STOX1: variants seen among roughly 807,000 people sequenced by gnomAD.
STOX1 encodes storkhead box 1, also known as storkhead-box protein 1.
Under a neutral mutation model 74.8 loss-of-function variants are expected in STOX1, and 57 were observed. The ratio of observed to expected loss-of-function variants is 0.76; its 90% confidence interval spans 0.62 to 0.95. The LOEUF is 0.95. Among genes scored for constraint, STOX1 ranks in the 40% least tolerant of loss-of-function variants. STOX1 has a pLI of 0.00. For missense variants in STOX1, 1,010 were observed against 1,117.0 expected (o/e 0.90, Z 1.37); for synonymous variants, 375 against 401.3 (o/e 0.93, Z 0.78).
At chr10:68,878,496 G>A (rs1202633615) in intron 1 of STOX1, among the ~76,000 whole-genome samples, 2 of 152,166 alleles carry the variant, frequency 1.3e-5, no homozygotes, top group African/African-American at 4.8e-5. Flanking sequence ...GCTTTTCAGA[G>A]TGGTATAGGC....
chr10:68,880,227 C>T (rs184308146), intron 1 of STOX1, among the ~76,000 whole-genome samples: 18 of 149,024 alleles, frequency 1.2e-4, no homozygotes, highest in Admixed American at 1.0e-3. Flanking sequence ...CCCTCACCTA[C>T]GCAGGAGTGC....
Position 68,892,804 on chromosome 10 carries a change from T to G in STOX1, c.*68T>G. 6.6e-7 allele frequency: 1 copy of G among 1,510,366 alleles called. No individual in the cohort carries two copies. The highest frequency in any genetic ancestry group is 9.1e-7 in the Non-Finnish European group (1 of 1,093,664). The allele number at this position is 1,510,366 out of a possible 1,614,324, so 93.6% of individuals were successfully genotyped here. On this transcript the variant is annotated 3_prime_UTR_variant, in exon 4 of 4. Coordinates refer to ENST00000298596, the MANE Select transcript of STOX1 (RefSeq NM_152709.5). ...GCATTATTACAGAATCTTTCAATCA[T>G]GTAAGAATTGAGTATATAAGAATTG...
intron 3 of STOX1, among the ~76,000 whole-genome samples, chr10:68,890,941 C>T (rs1404269884): frequency 6.6e-6 from 1 of 152,084 alleles, no homozygotes; most frequent in African/African-American, 2.4e-5. Context: ...TGTGAGCCCC[C>T]ATGCCCAGCT....
At chr10:68,870,433 C>A (rs148834524) in intron 1 of STOX1, among the ~76,000 whole-genome samples, 1 of 152,196 alleles carries the variant, frequency 6.6e-6, no homozygotes, top group African/African-American at 2.4e-5. Flanking sequence ...ATAGCTATTC[C>A]TTGCCCCCAA....
chr10:68,866,783 G>A (rs558784391), intron 1 of STOX1, among the ~76,000 whole-genome samples: 1 of 152,304 alleles, frequency 6.6e-6, no homozygotes, highest in South Asian at 2.1e-4. Flanking sequence ...ATTACTGGCT[G>A]TGGCGGGGGA....
At chr10:68,890,541 A>T (rs1348151454) in intron 3 of STOX1, among the ~76,000 whole-genome samples, 1 of 152,144 alleles carries the variant, frequency 6.6e-6, no homozygotes, top group Non-Finnish European at 1.5e-5. Context: ...TTATTTTTAC[A>T]TAAAAATGTT....
chr10:68,828,962 G>A (rs528709978), intron 1 of STOX1: 17 of 985,306 alleles, frequency 1.7e-5, no homozygotes, highest in Non-Finnish European at 1.9e-5. Flanking sequence ...GCACCCGTGA[G>A]TGGTCTCTGA....
At chr10:68,836,311 C>CAGGTTGTTT (rs1839552161) in intron 1 of STOX1, among the ~76,000 whole-genome samples, 1 of 152,174 alleles carries the variant, frequency 6.6e-6, no homozygotes, top group Non-Finnish European at 1.5e-5. Flanking sequence ...GATAAGGTAC[C>CAGGTTGTTT]TGAGAGCCTT....
chr10:68,829,359 T>C (rs550586369), intron 1 of STOX1, among the ~76,000 whole-genome samples: 36 of 151,974 alleles, frequency 2.4e-4, no homozygotes, highest in Non-Finnish European at 4.4e-4. Flanking sequence ...CTACTAAAAA[T>C]ACAAAAATTA....
chr10:68,886,298 C>T lies in STOX1; in HGVS notation c.2502C>T (p.Tyr834=), dbSNP rs73266502. 3,682 of 1,614,098 alleles carry T rather than the reference C, an allele frequency of 2.3e-3. 71 individuals are homozygous for T. In the African/African-American group the frequency reaches 0.041, roughly 18 times the overall value. Residue 834 remains tyrosine, a synonymous_variant, in exon 3 of 4, where the codon TAC becomes TAT. Transcript: ENST00000298596. ...CAGGGGCCCAGTTTGGTTTTAACTA[C>T]GAAGAAGAACCCAGTGTTGCTAAAT... is the stretch of plus-strand genomic sequence containing the variant. ...LNSGAQFGFN[Y]EEEPSVAKCV...
intron 1 of STOX1, among the ~76,000 whole-genome samples, chr10:68,850,877 TG>T (rs1839966252): frequency 6.6e-6 from 1 of 151,198 alleles, no homozygotes; most frequent in Non-Finnish European, 1.5e-5. Context: ...GAGGCTGAGG[TG>T]GGAGGATTGC....
At chr10:68,877,855 C>T (rs1840715861) in intron 1 of STOX1, among the ~76,000 whole-genome samples, 1 of 152,178 alleles carries the variant, frequency 6.6e-6, no homozygotes, top group African/African-American at 2.4e-5. Flanking sequence ...ATATCTAGCC[C>T]TTGTCTTTCA....
Position 68,878,083 on chromosome 10 carries a change from T to A in STOX1, c.311-3875T>A, listed in dbSNP as rs118098298. Among the ~76,000 whole-genome samples the A allele has an allele frequency of 8.9e-3, 1,356 of 152,306 alleles. 18 individuals are homozygous for A. Among genetic ancestry groups the A allele is most frequent in the Non-Finnish European group, 0.012 (825 of 68,020 alleles). On this transcript the variant is annotated intron_variant, in intron 1 of 3. Coordinates refer to ENST00000298596, the MANE Select transcript of STOX1 (RefSeq NM_152709.5). The stretch of plus-strand genomic sequence containing the variant: ...AGGCCTTCATTATGGAGTATTACTT[T>A]CTGAGTTCCAAGTGCAGTGGGGATG...
In STOX1 at chr10:68,873,975, A is replaced by C. The variant is rs374105306; in HGVS notation, c.311-7983A>C. ...TTTTGTTTGTTTTTTGTTTTTTTTA[A>C]TCCTGAGTTTAAGAAAAATTGCAGA... is the stretch of plus-strand genomic sequence containing the variant. On this transcript the variant is annotated intron_variant, in intron 1 of 3. Transcript: ENST00000298596. Among the ~76,000 whole-genome samples, 4 of 103,234 alleles carry C rather than the reference A, an allele frequency of 3.9e-5. No homozygotes were observed. The East Asian group carries it at 1.2e-3, about 30-fold the overall frequency. The allele number at this position is 103,234 out of a possible 152,430, so 67.7% of individuals were successfully genotyped here. A position where few individuals can be genotyped will look rare whatever the true frequency, so the allele number is the denominator to read the frequency against.
chr10:68,864,849 A>C (rs1380821605), intron 1 of STOX1, among the ~76,000 whole-genome samples: 1 of 152,230 alleles, frequency 6.6e-6, no homozygotes, highest in Admixed American at 6.5e-5. Flanking sequence ...CTCATGGCAT[A>C]AGTAGGAATG....
chr10:68,851,011 CA>C (rs965447654), intron 1 of STOX1, among the ~76,000 whole-genome samples: 2 of 151,134 alleles, frequency 1.3e-5, no homozygotes, highest in African/African-American at 4.9e-5. Flanking sequence ...CAAACAAACA[CA>C]AAAAAAGCAA....
chr10:68,886,153 T>C lies in STOX1; in HGVS notation c.2357T>C (p.Met786Thr), dbSNP rs191960520. 26 of 1,614,154 alleles carry C rather than the reference T, an allele frequency of 1.6e-5. No individual in the cohort carries two copies. In the East Asian group the frequency reaches 5.1e-4, roughly 32 times the overall value. Residue 786 changes from methionine (M) to threonine (T), a missense_variant, in exon 3 of 4, where the codon ATG (methionine) becomes ACG (threonine). Transcript: ENST00000298596. Reference sequence around the variant, plus strand: ...TCTCTGACCGAGTACAACAGCACAATGGAGAGGGTTGAGTCTCAGGTGCTT... The same window carrying C: ...TCTCTGACCGAGTACAACAGCACAACGGAGAGGGTTGAGTCTCAGGTGCTT... ...ERSLTEYNST[M>T]ERVESQVLKR...
intron 1 of STOX1, among the ~76,000 whole-genome samples, chr10:68,876,520 A>G (rs1288403363): frequency 1.3e-5 from 2 of 151,230 alleles, no homozygotes; most frequent in Non-Finnish European, 2.9e-5. Flanking sequence ...GTAAATTAAC[A>G]ACAACAAACC....
intron 1 of STOX1, among the ~76,000 whole-genome samples, chr10:68,872,342 C>CTTTTTTTTTTTTTTT (rs72451894): frequency 1.1e-5 from 1 of 89,324 alleles, no homozygotes; most frequent in African/African-American, 4.1e-5. Flanking sequence ...TTTTTCTTTT[C>CTTTTTTTTTTTTTTT]TTTTTTTTTT....
Sources: gnomAD v4.1 joint callset for allele counts (sites outside exome capture counted in the v4.1 genomes callset) on GRCh38, gnomAD v4.1.1 for gene constraint, MANE v1.5 for transcripts, NCBI Gene and HGNC (gene_info 2026-07-23, HGNC 2026-07-21) for gene names.